Variants in PPP1R3E observed in about 807,000 individuals in gnomAD.
PPP1R3E encodes the protein protein phosphatase 1 regulatory subunit 3E.
Under a neutral mutation model 18.5 loss-of-function variants are expected in PPP1R3E, and 20 were observed. The ratio of observed to expected loss-of-function variants is 1.08; its 90% CI spans 0.76 to 1.58. The LOEUF is 1.58. PPP1R3E is among the 40% of genes most tolerant of loss of function. The probability of loss-of-function intolerance (pLI) is 0.00; values close to 1 mark genes in which losing one functional copy is unlikely to be tolerated. For synonymous variants in PPP1R3E, 208 were observed against 208.1 expected, an observed-to-expected ratio of 1.00 and a Z score of 0.00; for missense variants, 498 against 460.2, an observed-to-expected ratio of 1.08 and a Z score of -0.75.
intron 2 of PPP1R3E, 191 bp downstream of exon 2, chr14:23,301,107 C>T (rs1887017085): frequency 3.8e-6 from 1 of 266,088 alleles, no homozygotes; most frequent in African/African-American, 2.2e-5. Flanking sequence ...GGAAGGCCAC[C>T]ATCATCCCCA....
Position 23,299,512 on chromosome 14 carries a change from G to A in PPP1R3E, c.*275C>T, listed in dbSNP as rs1282792180. ...AGGGAAGCAGACCAACCATGGTCTTGGAGAAAAGAAAATAGGGTTTCCATC... is the reference window on the plus strand; with the variant it reads ...AGGGAAGCAGACCAACCATGGTCTTAGAGAAAAGAAAATAGGGTTTCCATC... On this transcript the variant is annotated 3_prime_UTR_variant, in exon 4 of 5. Coordinates refer to ENST00000452015, the MANE Select transcript of PPP1R3E (RefSeq NM_001276318.2). The A allele has an allele frequency of 6.5e-6, 1 of 152,984 alleles. No individual in the cohort carries two copies. The highest frequency in any genetic ancestry group is 2.4e-5 in the African/African-American group (1 of 41,422). 9.5% of individuals were successfully genotyped at this position (152,984 alleles called of 1,614,324 possible).
intron 1 of PPP1R3E, 143 bp downstream of exon 1, chr14:23,302,017 C>T: frequency 8.0e-7 from 1 of 1,245,848 alleles, no homozygotes; most frequent in Non-Finnish European, 1.1e-6. Context: ...GAGCCACTCG[C>T]AGATGGGGTC....
Position 23,302,723 on chromosome 14 carries a change from C to T in PPP1R3E, c.-147G>A, listed in dbSNP as rs1176126763. 2 of 784,350 alleles carry T rather than the reference C, an allele frequency of 2.5e-6. No homozygotes were observed. Among genetic ancestry groups the T allele is most frequent in the Non-Finnish European group, 3.7e-6 (2 of 534,842 alleles). The allele number at this position is 784,350 out of a possible 1,614,324, so 48.6% of individuals were successfully genotyped here. A position where few individuals can be genotyped will look rare whatever the true frequency, so the allele number is the denominator to read the frequency against. On this transcript the variant is annotated 5_prime_UTR_variant, in exon 1 of 5. Coordinates refer to ENST00000452015, the MANE Select transcript of PPP1R3E (RefSeq NM_001276318.2). ...TGTGTATTCTCCTTGCAGACACCTC[C>T]AGGATCCTCCACCTCCCGTTGCTTT...
rs3811179 is a variant in PPP1R3E at position 23,297,951 on chromosome 14, G to T, written c.*1353C>A. 0.25 allele frequency: 38,348 copies of T among 152,044 alleles called. 6,032 individuals carry two copies. The highest frequency in any genetic ancestry group is 0.49 in the East Asian group (2,508 of 5,144). The allele number at this position is 152,044 out of a possible 1,614,324, so 9.4% of individuals were successfully genotyped here. A position where few individuals can be genotyped will look rare whatever the true frequency, so the allele number is the denominator to read the frequency against. On this transcript the variant is annotated 3_prime_UTR_variant, in exon 5 of 5. Coordinates refer to ENST00000452015, the MANE Select transcript of PPP1R3E (RefSeq NM_001276318.2). ...CCCAAGCACAGACCCTCTAGCAGGT[G>T]TCCTAGTCACGGACCCAACCTAGTG...
Position 23,301,554 on chromosome 14 carries a change from C to G in PPP1R3E, c.722G>C (p.Arg241Pro), listed in dbSNP as rs1253736771. The G allele has an allele frequency of 6.7e-7, 1 of 1,484,100 alleles. No homozygotes were observed. The highest frequency in any genetic ancestry group is 8.9e-7 in the Non-Finnish European group (1 of 1,120,146). The allele number at this position is 1,484,100 out of a possible 1,614,324, so 91.9% of individuals were successfully genotyped here. A position where few individuals can be genotyped will look rare whatever the true frequency, so the allele number is the denominator to read the frequency against. The stretch of plus-strand genomic sequence containing the variant: ...GTCCCAGAACTCGTGACCTGTCACA[C>G]GGTAGCGCAAGGCGAAGAGCAGGGC... ...GGALLFALRY[R>P]VTGHEFWDNN... Residue 241 changes from arginine to proline, a missense_variant, in exon 2 of 5, where the codon CGT becomes CCT. Transcript: ENST00000452015.
At position 23,298,321 on chromosome 14, in the gene PPP1R3E, A is replaced by G. The variant is rs1385626504; in HGVS notation, c.*983T>C. The G allele has an allele frequency of 6.6e-6, 1 of 152,252 alleles. No individual in the cohort carries two copies. The highest frequency in any genetic ancestry group is 1.5e-5 in the Non-Finnish European group (1 of 68,082). The allele number at this position is 152,252 out of a possible 1,614,324, so 9.4% of individuals were successfully genotyped here. A position where few individuals can be genotyped will look rare whatever the true frequency, so the allele number is the denominator to read the frequency against. On this transcript the variant is annotated 3_prime_UTR_variant, in exon 5 of 5. Transcript: ENST00000452015. ...TAGCAAGGTTTTAAATTTTGTTTTT[A>G]AAGAGGAAAAAAAATATAACATCAT...
chr14:23,298,691 T>C lies in PPP1R3E; in HGVS notation c.*613A>G. The stretch of plus-strand genomic sequence containing the variant: ...CTGAGCCTCCACCCAGTCTCCCTAT[T>C]ATCCTCCCATGGGCTCCTAATTGAT... On this transcript the variant is annotated 3_prime_UTR_variant, in exon 5 of 5. Transcript: ENST00000452015. 1 of 154,520 alleles carries C rather than the reference T, an allele frequency of 6.5e-6. No individual in the cohort carries two copies. Among genetic ancestry groups the C allele is most frequent in the Middle Eastern group, 5.2e-4 (1 of 1,926 alleles). 9.6% of individuals were successfully genotyped at this position (154,520 alleles called of 1,614,324 possible).
chr14:23,301,435 C>G lies in PPP1R3E; in HGVS notation c.*1G>C. ...CCGCCGTCGGCCGCAGGCGCCTCGT[C>G]TCAGATAAAGTGGATCCAGCCCTGC... On this transcript the variant is annotated 3_prime_UTR_variant, in exon 2 of 5. Transcript: ENST00000452015. 7.1e-7 allele frequency: 1 copy of G among 1,417,774 alleles called. No homozygotes were observed. The highest frequency in any genetic ancestry group is 9.2e-7 in the Non-Finnish European group (1 of 1,088,712). 87.8% of individuals were successfully genotyped at this position (1,417,774 alleles called of 1,614,324 possible). A position where few individuals can be genotyped will look rare whatever the true frequency, so the allele number is the denominator to read the frequency against.
Position 23,301,762 on chromosome 14 carries a change from G to T in PPP1R3E, c.514C>A (p.Leu172Met). The part of the protein sequence containing the change: ...ICLERAEAGP[L>M]GVAGSARVVD... ...ACGCGCGCGCTCCCGGCCACGCCCA[G>T]CGGGCCCGCCTCGGCGCGTTCCAGG... Residue 172 changes from leucine (L) to methionine (M), a missense_variant, in exon 2 of 5, where the codon CTG becomes ATG. Coordinates refer to ENST00000452015, the MANE Select transcript of PPP1R3E (RefSeq NM_001276318.2). The T allele has an allele frequency of 7.0e-7, 1 of 1,425,968 alleles. No homozygotes were observed. The highest frequency in any genetic ancestry group is 9.1e-7 in the Non-Finnish European group (1 of 1,093,764). The allele number at this position is 1,425,968 out of a possible 1,614,324, so 88.3% of individuals were successfully genotyped here.
chr14:23,301,991 C>A, intron 1 of PPP1R3E, 133 bp from the exon 2 acceptor site: 1 of 1,255,624 alleles, frequency 8.0e-7, no homozygotes, highest in Non-Finnish European at 1.0e-6. Context: ...TGCGGCCCAG[C>A]TGCCAGGGTG....
rs1354130851 is a variant in PPP1R3E, at chr14:23,301,499, A to C, written c.777T>G (p.Arg259=). The change falls in exon 2 of 5, where the codon CGT becomes CGG. Residue 259 remains arginine, a synonymous_variant. Coordinates refer to ENST00000452015, the MANE Select transcript of PPP1R3E (RefSeq NM_001276318.2). The part of the protein sequence containing the change: ...DNNGGRDYAL[R]GPEHPGSGGA... ...CGCCACTGCCCGGGTGCTCGGGCCC[A>C]CGTAGAGCATAGTCACGGCCGCCGT... 6.7e-7 allele frequency: 1 copy of C among 1,487,842 alleles called. No homozygotes were observed. Among genetic ancestry groups the C allele is most frequent in the Non-Finnish European group, 8.9e-7 (1 of 1,123,390 alleles). The allele number at this position is 1,487,842 out of a possible 1,614,324, so 92.2% of individuals were successfully genotyped here. A position where few individuals can be genotyped will look rare whatever the true frequency, so the allele number is the denominator to read the frequency against.
intron 1 of PPP1R3E, 91 bp from the exon 2 acceptor site, chr14:23,301,949 A>G: frequency 7.6e-7 from 1 of 1,321,798 alleles, no homozygotes; most frequent in Non-Finnish European, 9.7e-7. Context: ...TGGACCAATC[A>G]GAGGCCGACC....
Position 23,295,796 on chromosome 14 carries a change from G to A in PPP1R3E, c.*3508C>T, listed in dbSNP as rs1265630194. The A allele has an allele frequency of 6.4e-6, 1 of 155,320 alleles. No individual in the cohort carries two copies. Among genetic ancestry groups the A allele is most frequent in the Non-Finnish European group, 1.4e-5 (1 of 69,988 alleles). 9.6% of individuals were successfully genotyped at this position (155,320 alleles called of 1,614,324 possible). A position where few individuals can be genotyped will look rare whatever the true frequency, so the allele number is the denominator to read the frequency against. The stretch of plus-strand genomic sequence containing the variant: ...TTAAGCAAACTTATTAAATTTTTCT[G>A]GACACACACACACAAAAAACAAGGT... On this transcript the variant is annotated 3_prime_UTR_variant, in exon 5 of 5. Transcript: ENST00000452015.
rs1311472409 is a variant in PPP1R3E, at chr14:23,295,806, A to G, written c.*3498T>C. On this transcript the variant is annotated 3_prime_UTR_variant, in exon 5 of 5. Coordinates refer to ENST00000452015, the MANE Select transcript of PPP1R3E (RefSeq NM_001276318.2). Reference sequence around the variant, plus strand: ...TTATTAAATTTTTCTGGACACACACACACAAAAAACAAGGTGACCAAGAAA... The same window carrying G: ...TTATTAAATTTTTCTGGACACACACGCACAAAAAACAAGGTGACCAAGAAA... 1 of 154,950 alleles carries G rather than the reference A, an allele frequency of 6.5e-6. No individual in the cohort carries two copies. The highest frequency in any genetic ancestry group is 6.5e-5 in the Admixed American group (1 of 15,356). 9.6% of individuals were successfully genotyped at this position (154,950 alleles called of 1,614,324 possible). A position where few individuals can be genotyped will look rare whatever the true frequency, so the allele number is the denominator to read the frequency against.
Position 23,302,465 on chromosome 14 carries a change from G to T in PPP1R3E, c.112C>A (p.Pro38Thr), listed in dbSNP as rs866922598. The T allele has an allele frequency of 1.3e-6, 2 of 1,508,036 alleles. No homozygotes were observed. Among genetic ancestry groups the T allele is most frequent in the Admixed American group, 2.1e-5 (1 of 46,872 alleles). The allele number at this position is 1,508,036 out of a possible 1,614,324, so 93.4% of individuals were successfully genotyped here. Residue 38 changes from proline to threonine, a missense_variant, in exon 1 of 5, where the codon CCG becomes ACG. Transcript: ENST00000452015. ...RSQRPSLEEE[P>T]EEEPGEGGTR... Reference sequence around the variant, plus strand: ...CCGCCCTCGCCTGGCTCCTCCTCCGGCTCCTCCTCGAGGCTGGGCCGCTGG... The same window carrying T: ...CCGCCCTCGCCTGGCTCCTCCTCCGTCTCCTCCTCGAGGCTGGGCCGCTGG...
rs1334151522 is a variant in PPP1R3E, at chr14:23,301,819, A to C, written c.457T>G (p.Phe153Val). The C allele has an allele frequency of 8.8e-6, 13 of 1,471,388 alleles. No individual in the cohort carries two copies. In the South Asian group the frequency reaches 1.4e-4, roughly 16 times the overall value. 91.1% of individuals were successfully genotyped at this position (1,471,388 alleles called of 1,614,324 possible). Residue 153 changes from phenylalanine (F) to valine (V), a missense_variant, in exon 2 of 5, where the codon TTC (phenylalanine) becomes GTC (valine). Phe to Val is a conservative substitution (Grantham distance 50, BLOSUM62 -1). Transcript: ENST00000452015. ...AALEPASEPG[F>V]AARLLTQRIC... ...CGCTGCGTCAGCAAGCGGGCGGCGA[A>C]GCCGGGCTCGCTGGCCGGCTCCAGG...
Position 23,296,072 on chromosome 14 carries a change from G to A in PPP1R3E, c.*3232C>T, listed in dbSNP as rs1886870555. The A allele has an allele frequency of 6.6e-6, 1 of 152,250 alleles. No individual in the cohort carries two copies. The highest frequency in any genetic ancestry group is 1.5e-5 in the Non-Finnish European group (1 of 68,062). The allele number at this position is 152,250 out of a possible 1,614,324, so 9.4% of individuals were successfully genotyped here. A position where few individuals can be genotyped will look rare whatever the true frequency, so the allele number is the denominator to read the frequency against. On this transcript the variant is annotated 3_prime_UTR_variant, in exon 5 of 5. Transcript: ENST00000452015. ...TGAAGGAACTGAGGAGGTTCTGGGA[G>A]GGCCTGGTGACAACAATGGATTTGG...
Position 23,295,660 on chromosome 14 carries a change from C to A in PPP1R3E, c.*3644G>T, listed in dbSNP as rs188628436. On this transcript the variant is annotated 3_prime_UTR_variant, in exon 5 of 5. Transcript: ENST00000452015. ...ACAGAAGTCAGGTGTTGTCAGTTTT[C>A]AATTTTCATTTGTGTGTGAATTTTT... 1,862 of 270,722 alleles carry A rather than the reference C, an allele frequency of 6.9e-3. 7 individuals are homozygous for A. Among genetic ancestry groups the A allele is most frequent in the Non-Finnish European group, 0.011 (1,534 of 144,492 alleles). 16.8% of individuals were successfully genotyped at this position (270,722 alleles called of 1,614,324 possible).
Position 23,301,702 on chromosome 14 carries a change from G to A in PPP1R3E, c.574C>T (p.Arg192Cys), listed in dbSNP as rs1326835863. The change falls in exon 2 of 5, where the codon CGC becomes TGC. Residue 192 changes from arginine to cysteine, a missense_variant. Transcript: ENST00000452015. ...DLAYEKRVSV[R>C]WSADGWRSQR... ...CTCCGCCAGCCGTCGGCGCTCCAGC[G>A]CACGCTCACGCGCTTCTCGTAGGCC... is the stretch of plus-strand genomic sequence containing the variant. 3 of 1,369,750 alleles carry A rather than the reference G, an allele frequency of 2.2e-6. No individual in the cohort carries two copies. The highest frequency in any genetic ancestry group is 3.1e-5 in the Admixed American group (1 of 31,972). The allele number at this position is 1,369,750 out of a possible 1,614,324, so 84.8% of individuals were successfully genotyped here.
Sources: gnomAD v4.1 joint callset for allele counts on GRCh38, gnomAD v4.1.1 for gene constraint, MANE v1.5 for transcripts, NCBI Gene and HGNC (gene_info 2026-07-23, HGNC 2026-07-21) for gene names.